GRM1: variants seen among roughly 807,000 people sequenced by gnomAD.
GRM1 encodes the protein glutamate metabotropic receptor 1.
A neutral mutation model predicts 90.9 loss-of-function variants in GRM1; 33 were observed. The observed-to-expected ratio is 0.36, with a 90% CI of 0.28 to 0.49. The LOEUF (loss-of-function observed/expected upper bound fraction) is 0.49. GRM1 is among the 20% of genes least tolerant of loss of function. The pLI is 0.99. For synonymous variants in GRM1, 700 were observed against 613.2 expected (o/e 1.14, Z -2.09); for missense variants, 1,190 against 1,534.3 (o/e 0.78, Z 3.75).
At position 146,029,958 on chromosome 6, in the gene GRM1, C is replaced by T. The variant is rs752693831; in HGVS notation, c.441C>T (p.Leu147=). The change falls in exon 1 of 8, where the codon CTC becomes CTT. Residue 147 remains leucine, a synonymous_variant. Coordinates refer to ENST00000282753, the MANE Select transcript of GRM1 (RefSeq NM_001278064.2). The part of the protein sequence containing the change: ...INRCLPDGQS[L]PPGRTKKPIA... ...GGTGTCTGCCTGACGGCCAGTCCCTCCCCCCAGGCAGGACTAAGAAGCCCA... is the reference window on the plus strand; with the variant it reads ...GGTGTCTGCCTGACGGCCAGTCCCTTCCCCCAGGCAGGACTAAGAAGCCCA... 4 of 1,613,686 alleles carry T rather than the reference C, an allele frequency of 2.5e-6. No individual in the cohort carries two copies. The highest frequency in any genetic ancestry group is 2.2e-5 in the East Asian group (1 of 44,878).
intron 1 of GRM1, among the ~76,000 whole-genome samples, chr6:146,116,302 G>T (rs1317450086): frequency 2.6e-5 from 4 of 152,052 alleles, no homozygotes; most frequent in African/African-American, 4.8e-5. Context: ...TTTTAATTCA[G>T]TGTAAAGTTT....
intron 1 of GRM1, among the ~76,000 whole-genome samples, chr6:146,118,418 C>A (rs548478366): frequency 1.3e-5 from 2 of 152,122 alleles, no homozygotes; most frequent in Non-Finnish European, 2.9e-5. Flanking sequence ...GGATTACAGG[C>A]GTGAACCACT....
rs1776437716 is a variant in GRM1, at chr6:146,384,721, G to T, written c.1603-2169G>T. 1.3e-5 allele frequency among the ~76,000 whole-genome samples: 2 copies of T among 151,668 alleles called. 1 individual carries two copies. The highest frequency in any genetic ancestry group is 4.2e-4 in the South Asian group (2 of 4,818). ...ATTGATGTTAAAATTAGCAGTCAAG[G>T]GCGTTAAAACACAAGGATAAATACG... On this transcript the variant is annotated intron_variant, in intron 5 of 7. Transcript: ENST00000282753.
At chr6:146,346,435 T>C (rs1439564904) in intron 3 of GRM1, among the ~76,000 whole-genome samples, 2 of 152,372 alleles carry the variant, frequency 1.3e-5, no homozygotes, top group Admixed American at 6.5e-5. Flanking sequence ...TTTAATAAAC[T>C]GAATAGAAAA....
chr6:146,123,998 G>A (rs183482575), intron 1 of GRM1, among the ~76,000 whole-genome samples: 1 of 152,294 alleles, frequency 6.6e-6, no homozygotes, highest in East Asian at 1.9e-4. Flanking sequence ...TAAGGAATCA[G>A]CATAGTCGAG....
intron 1 of GRM1, among the ~76,000 whole-genome samples, chr6:146,036,251 C>A (rs1030888757): frequency 6.6e-6 from 1 of 151,808 alleles, no homozygotes; most frequent in Non-Finnish European, 1.5e-5. Flanking sequence ...GGAACCACAT[C>A]CAGAAAAGAA....
chr6:146,097,490 G>C (rs1224562787), intron 1 of GRM1, among the ~76,000 whole-genome samples: 1 of 152,114 alleles, frequency 6.6e-6, no homozygotes, highest in Non-Finnish European at 1.5e-5. Context: ...AATAATTCTG[G>C]AATGCATTTG....
At chr6:146,270,871 T>G (rs1231462589) in intron 2 of GRM1, among the ~76,000 whole-genome samples, 15 of 83,020 alleles carry the variant, frequency 1.8e-4, no homozygotes, top group African/African-American at 7.4e-4. Context: ...CTTTCTTTCT[T>G]TCTTTCTTTC....
At chr6:146,279,884 A>G (rs1321666690) in intron 2 of GRM1, among the ~76,000 whole-genome samples, 1 of 151,554 alleles carries the variant, frequency 6.6e-6, no homozygotes, top group Admixed American at 6.6e-5. Flanking sequence ...ATTCTTATTT[A>G]TTATTGTTCA....
intron 7 of GRM1, among the ~76,000 whole-genome samples, chr6:146,417,500 A>G (rs1010724514): frequency 1.3e-5 from 2 of 152,158 alleles, no homozygotes; most frequent in Non-Finnish European, 2.9e-5. Flanking sequence ...TATGGTGATT[A>G]CACTTGTAAT....
At chr6:146,192,853 G>A (rs564280004) in intron 2 of GRM1, among the ~76,000 whole-genome samples, 102 of 152,202 alleles carry the variant, frequency 6.7e-4, no homozygotes, top group African/African-American at 2.1e-3. Flanking sequence ...CCTGCTATAT[G>A]GACTGTGGGC....
intron 2 of GRM1, among the ~76,000 whole-genome samples, chr6:146,218,846 G>A (rs989739126): frequency 2.0e-5 from 3 of 152,000 alleles, no homozygotes; most frequent in Admixed American, 1.3e-4. Context: ...CCTGCCACAC[G>A]TATAGATTAT....
At chr6:146,310,602 TG>T (rs1450400745) in intron 3 of GRM1, among the ~76,000 whole-genome samples, 1 of 152,246 alleles carries the variant, frequency 6.6e-6, no homozygotes, top group Non-Finnish European at 1.5e-5. Flanking sequence ...GGTAGAGTTT[TG>T]TTCCCTACCT....
At chr6:146,390,779 T>C (rs1776685682) in intron 6 of GRM1, among the ~76,000 whole-genome samples, 1 of 152,056 alleles carries the variant, frequency 6.6e-6, no homozygotes, top group Admixed American at 6.6e-5. Context: ...AATGTCTATA[T>C]CCTAAGGGAG....
intron 1 of GRM1, among the ~76,000 whole-genome samples, chr6:146,153,073 C>G (rs193148177): frequency 6.6e-6 from 1 of 152,240 alleles, no homozygotes; most frequent in East Asian, 1.9e-4. Context: ...ATTGCTTGCT[C>G]ATGACCTGGT....
chr6:146,402,082 A>T (rs1347036366), intron 7 of GRM1, among the ~76,000 whole-genome samples: 2 of 152,182 alleles, frequency 1.3e-5, no homozygotes, highest in Non-Finnish European at 2.9e-5. Context: ...GCATGGTCTA[A>T]ATTAACTGGA....
At chr6:146,351,790 C>T (rs1004431756) in intron 3 of GRM1, among the ~76,000 whole-genome samples, 1 of 151,980 alleles carries the variant, frequency 6.6e-6, no homozygotes, top group African/African-American at 2.4e-5. Context: ...ATAGTGGAAT[C>T]ACCAAAAGAA....
At chr6:146,159,189 C>T (rs1777622947) in intron 1 of GRM1, among the ~76,000 whole-genome samples, 159 bp from the exon 2 acceptor site, 1 of 152,240 alleles carries the variant, frequency 6.6e-6, no homozygotes, top group African/African-American at 2.4e-5. Flanking sequence ...TGATTACTCT[C>T]TTTAATCCAT....
At position 146,211,306 on chromosome 6, in the gene GRM1, C is replaced by T. The variant is rs115824890; in HGVS notation, c.950+51709C>T. Among the ~76,000 whole-genome samples, 456 of 149,634 alleles carry T rather than the reference C, an allele frequency of 3.0e-3. 4 individuals carry two copies. Among genetic ancestry groups the T allele is most frequent in the African/African-American group, 0.011 (436 of 40,286 alleles). On this transcript the variant is annotated intron_variant, in intron 2 of 7. Transcript: ENST00000282753. ...CATTCATACCTGGTGACTTGTGTGT[C>T]TCCAGTGAAACTCGAAGACAGAACC...
Sources: allele counts gnomAD v4.1 joint callset (sites outside exome capture counted in the v4.1 genomes callset), GRCh38; gene constraint gnomAD v4.1.1; transcripts MANE v1.5; gene names NCBI Gene and HGNC (gene_info 2026-07-23, HGNC 2026-07-21).